MZT1: variants seen among roughly 807,000 people sequenced by gnomAD.
MZT1 encodes the protein mitotic spindle organizing protein 1.
A neutral mutation model predicts 8.5 loss-of-function variants in MZT1; 8 were observed. The observed-to-expected ratio is 0.94, with a 90% CI of 0.55 to 1.70. The LOEUF is 1.70. Among genes scored for constraint, MZT1 ranks in the 40% most tolerant of loss-of-function variants. The probability of loss-of-function intolerance (pLI) is 0.00; values close to 1 mark genes in which losing one functional copy is unlikely to be tolerated. For missense variants in MZT1, 93 were observed against 108.6 expected (o/e 0.86, Z 0.64); for synonymous variants, 38 against 42.0 (o/e 0.90, Z 0.37).
At position 72,710,016 on chromosome 13, in the gene MZT1, C is replaced by T. The variant is rs2032472984; in HGVS notation, c.*306G>A. On this transcript the variant is annotated 3_prime_UTR_variant, in exon 3 of 3. Coordinates refer to ENST00000377818, the MANE Select transcript of MZT1 (RefSeq NM_001071775.3). ...ACAGCAGATGTGCACATCTGATAGACAGACTGCTTAGAAAATTAAAGCTAT... is the reference window on the plus strand; with the variant it reads ...ACAGCAGATGTGCACATCTGATAGATAGACTGCTTAGAAAATTAAAGCTAT... The T allele has an allele frequency of 2.9e-6, 1 of 345,566 alleles. No homozygotes were observed. Among genetic ancestry groups the T allele is most frequent in the Non-Finnish European group, 5.3e-6 (1 of 189,098 alleles). The allele number at this position is 345,566 out of a possible 1,614,324, so 21.4% of individuals were successfully genotyped here. A position where few individuals can be genotyped will look rare whatever the true frequency, so the allele number is the denominator to read the frequency against.
intron 1 of MZT1, among the ~76,000 whole-genome samples, chr13:72,724,725 T>C (rs1169969242): frequency 1.4e-4 from 4 of 29,590 alleles, no homozygotes; most frequent in African/African-American, 2.0e-4. Context: ...TATACATATA[T>C]ATATATATAT....
chr13:72,717,321 C>T (rs2032545092), intron 2 of MZT1, among the ~76,000 whole-genome samples: 1 of 150,160 alleles, frequency 6.7e-6, no homozygotes, highest in South Asian at 2.1e-4. Context: ...ACAATTCAGC[C>T]ACAATCTGTC....
intron 1 of MZT1, among the ~76,000 whole-genome samples, chr13:72,725,564 G>A (rs1047824210): frequency 6.6e-6 from 1 of 151,418 alleles, no homozygotes; most frequent in Non-Finnish European, 1.5e-5. Flanking sequence ...TTGATCTCAC[G>A]GGTTGATTTA....
intron 2 of MZT1, among the ~76,000 whole-genome samples, chr13:72,716,785 T>G (rs1209472267): frequency 1.3e-5 from 2 of 152,226 alleles, no homozygotes; most frequent in Non-Finnish European, 2.9e-5. Context: ...GTTGCCAATC[T>G]GAGCAATTAA....
Position 72,723,434 on chromosome 13 carries a change from T to G in MZT1, c.79+4090A>C, listed in dbSNP as rs556538910. ...ATCCAAAACTTATTAAGTACTGACA[T>G]AACACCGTAGTGGAAAATTCCACAC... On this transcript the variant is annotated intron_variant, in intron 1 of 2. Transcript: ENST00000377818. 4.6e-5 allele frequency among the ~76,000 whole-genome samples: 7 copies of G among 152,310 alleles called. No homozygotes were observed. In the East Asian group the frequency reaches 1.2e-3, roughly 25 times the overall value.
chr13:72,711,144 C>T (rs964311793), intron 2 of MZT1, among the ~76,000 whole-genome samples: 2 of 152,112 alleles, frequency 1.3e-5, no homozygotes, highest in Non-Finnish European at 2.9e-5. Context: ...ACTTAAGACA[C>T]TGGGGTACTA....
intron 1 of MZT1, among the ~76,000 whole-genome samples, chr13:72,725,816 C>T (rs188753106): frequency 1.3e-5 from 2 of 152,098 alleles, no homozygotes; most frequent in Non-Finnish European, 2.9e-5. Flanking sequence ...GTACAGCTAA[C>T]CTAAGAAAAT....
rs1464036077 is a variant in MZT1, at chr13:72,709,310, T to C, written c.*1012A>G. On this transcript the variant is annotated 3_prime_UTR_variant, in exon 3 of 3. Transcript: ENST00000377818. ...AATAGCAAGTATCCTTTGAAACACA[T>C]CACCCATCTAATAAGATTGTTTAGT... 6.6e-6 allele frequency: 1 copy of C among 151,984 alleles called. No individual in the cohort carries two copies. Among genetic ancestry groups the C allele is most frequent in the Non-Finnish European group, 1.5e-5 (1 of 67,902 alleles). The allele number at this position is 151,984 out of a possible 1,614,324, so 9.4% of individuals were successfully genotyped here.
Position 72,710,231 on chromosome 13 carries a change from G to T in MZT1, c.*91C>A. 7.6e-7 allele frequency: 1 copy of T among 1,320,884 alleles called. No individual in the cohort carries two copies. The highest frequency in any genetic ancestry group is 1.1e-6 in the Non-Finnish European group (1 of 925,098). 81.8% of individuals were successfully genotyped at this position (1,320,884 alleles called of 1,614,324 possible). A position where few individuals can be genotyped will look rare whatever the true frequency, so the allele number is the denominator to read the frequency against. ...GTAAAATTTTTCTACACTGCTGCAT[G>T]CAGTAATTTCATTGTACATTCTCAA... On this transcript the variant is annotated 3_prime_UTR_variant, in exon 3 of 3. Coordinates refer to ENST00000377818, the MANE Select transcript of MZT1 (RefSeq NM_001071775.3).
chr13:72,722,451 C>T (rs1005553586), intron 1 of MZT1, among the ~76,000 whole-genome samples: 4 of 152,088 alleles, frequency 2.6e-5, no homozygotes, highest in African/African-American at 9.7e-5. Flanking sequence ...TTTTCCTTTT[C>T]CATGTTAGTT....
chr13:72,712,676 T>G (rs1018144909), intron 2 of MZT1, among the ~76,000 whole-genome samples: 4 of 152,202 alleles, frequency 2.6e-5, no homozygotes, highest in Non-Finnish European at 5.9e-5. Context: ...CTATGTTAAA[T>G]TGGCATTTCT....
chr13:72,724,739 T>TATATATATATATATATACACAC (rs1555270942), intron 1 of MZT1, among the ~76,000 whole-genome samples: 2 of 41,368 alleles, frequency 4.8e-5, no homozygotes, highest in African/African-American at 1.1e-4. Context: ...TATATATATA[T>TATATATATATATATATACACAC]ACACATATAT....
chr13:72,724,869 T>C (rs2032630902), intron 1 of MZT1, among the ~76,000 whole-genome samples: 1 of 147,532 alleles, frequency 6.8e-6, no homozygotes, highest in African/African-American at 2.5e-5. Context: ...CTGGCCAACA[T>C]GGTGAAACCC....
Position 72,718,970 on chromosome 13 carries a change from C to A in MZT1, c.207G>T (p.Lys69Asn). 6.3e-7 allele frequency: 1 copy of A among 1,576,606 alleles called. No homozygotes were observed. Among genetic ancestry groups the A allele is most frequent in the Non-Finnish European group, 8.6e-7 (1 of 1,167,364 alleles). Residue 69 changes from lysine to asparagine, a missense_variant, in exon 2 of 3, where the codon AAG becomes AAT. Physicochemically the swap from Lys to Asn is moderately conservative, Grantham distance 94. Coordinates refer to ENST00000377818, the MANE Select transcript of MZT1 (RefSeq NM_001071775.3). Reference protein sequence around the residue: ...ALSSVIKELRKATEALKAAEN... With the variant: ...ALSSVIKELRNATEALKAAEN... ...CTCCAACCTTCAGTGCTTCAGTAGC[C>A]TTGCGAAGCTCCTTAATAACCGATG...
intron 2 of MZT1, among the ~76,000 whole-genome samples, chr13:72,715,074 G>A (rs1387127558): frequency 3.3e-5 from 5 of 152,220 alleles, no homozygotes; most frequent in African/African-American, 7.2e-5. Context: ...GCCAGCCCAC[G>A]AAAGCAGCCA....
chr13:72,717,754 T>A (rs2032549839), intron 2 of MZT1, among the ~76,000 whole-genome samples: 1 of 152,236 alleles, frequency 6.6e-6, no homozygotes, highest in Non-Finnish European at 1.5e-5. Flanking sequence ...CTAGCAACAT[T>A]CTGATCCTAA....
chr13:72,727,574 G>C lies in MZT1; in HGVS notation c.29C>G (p.Ala10Gly), dbSNP rs770091272. Residue 10 changes from alanine (A) to glycine (G), a missense_variant, in exon 1 of 3, where the codon GCG (alanine) becomes GGG (glycine). Physicochemically the swap from Ala to Gly is moderately conservative, Grantham distance 60. Transcript: ENST00000377818. ...CAGATTCGCCGCCGCGGCCGCCGCCGCCGCCCCAGCACCGCTGCTACTCGC... is the reference window on the plus strand; with the variant it reads ...CAGATTCGCCGCCGCGGCCGCCGCCCCCGCCCCAGCACCGCTGCTACTCGC... MASSSGAGA[A>G]AAAAAANLNA... is the part of the protein sequence containing the mutation. 2.5e-6 allele frequency: 4 copies of C among 1,594,502 alleles called. No individual in the cohort carries two copies. In the Admixed American group the frequency reaches 5.1e-5, roughly 20 times the overall value.
In MZT1 at chr13:72,724,748, A is replaced by ATC. The variant is rs1301203268; in HGVS notation, c.79+2775_79+2776insGA. Among the ~76,000 whole-genome samples the ATC allele has an allele frequency of 5.4e-5, 2 of 37,150 alleles. 1 individual carries two copies. The highest frequency in any genetic ancestry group is 1.4e-4 in the Non-Finnish European group (2 of 14,176). The allele number at this position is 37,150 out of a possible 152,430, so 24.4% of individuals were successfully genotyped here. A position where few individuals can be genotyped will look rare whatever the true frequency, so the allele number is the denominator to read the frequency against. On this transcript the variant is annotated intron_variant, in intron 1 of 2. Coordinates refer to ENST00000377818, the MANE Select transcript of MZT1 (RefSeq NM_001071775.3). ...TATATATATATATATATACACATAT[A>ATC]TATATGTAAAGTGGTGCTACAGGCC... is the stretch of plus-strand genomic sequence containing the variant.
At position 72,709,960 on chromosome 13, in the gene MZT1, A is replaced by G. The variant is rs1388476698; in HGVS notation, c.*362T>C. 7 of 217,498 alleles carry G rather than the reference A, an allele frequency of 3.2e-5. No individual in the cohort carries two copies. Among genetic ancestry groups the G allele is most frequent in the Admixed American group, 5.6e-5 (1 of 17,868 alleles). 13.5% of individuals were successfully genotyped at this position (217,498 alleles called of 1,614,324 possible). A position where few individuals can be genotyped will look rare whatever the true frequency, so the allele number is the denominator to read the frequency against. ...CAAGTCATAACTACTACACATTACT[A>G]CTGATGGGTTCCACTATACTTCAAC... On this transcript the variant is annotated 3_prime_UTR_variant, in exon 3 of 3. Coordinates refer to ENST00000377818, the MANE Select transcript of MZT1 (RefSeq NM_001071775.3).
Sources: allele counts gnomAD v4.1 joint callset (sites outside exome capture counted in the v4.1 genomes callset), GRCh38; gene constraint gnomAD v4.1.1; transcripts MANE v1.5; gene names NCBI Gene and HGNC (gene_info 2026-07-23, HGNC 2026-07-21).